The following VPS13D variants were observed in gnomAD, a reference collection of about 807,000 sequenced individuals.
VPS13D encodes the protein intermembrane lipid transfer protein VPS13D.
VPS13D carries 187 observed loss-of-function variants against 461.9 expected under a neutral mutation model. The observed-to-expected ratio is 0.40, with a 90% CI of 0.36 to 0.46. VPS13D has a LOEUF of 0.46. Ranked by LOEUF, VPS13D falls within the 20% of genes least tolerant of loss-of-function variation. VPS13D has a pLI of 0.60. For missense variants in VPS13D, 4,711 were observed against 5,364.9 expected, an observed-to-expected ratio of 0.88 and a Z score of 3.81; for synonymous variants, 1,951 against 1,986.3, an observed-to-expected ratio of 0.98 and a Z score of 0.47.
intron 60 of VPS13D, among the ~76,000 whole-genome samples, chr1:12,392,767 G>A (rs1570079715): frequency 1.3e-5 from 2 of 152,050 alleles, no homozygotes; most frequent in Admixed American, 6.5e-5. Context: ...GCCTGCCAAA[G>A]GCTCCAAACA....
At chr1:12,485,052 A>G (rs947657359) in intron 67 of VPS13D, among the ~76,000 whole-genome samples, 2 of 152,222 alleles carry the variant, frequency 1.3e-5, no homozygotes, top group African/African-American at 2.4e-5. Flanking sequence ...CTGGCATGGC[A>G]TAGCAACTCT....
chr1:12,490,151 G>T (rs1040012651), intron 67 of VPS13D, among the ~76,000 whole-genome samples: 1 of 152,226 alleles, frequency 6.6e-6, no homozygotes, highest in African/African-American at 2.4e-5. Flanking sequence ...TTGAATAGGG[G>T]ACTGGAGGAG....
intron 67 of VPS13D, among the ~76,000 whole-genome samples, chr1:12,493,498 A>G (rs1191742854): frequency 6.6e-6 from 1 of 151,904 alleles, no homozygotes; most frequent in Non-Finnish European, 1.5e-5. Flanking sequence ...AAAAAAAAAA[A>G]AAAGACTAGA....
At chr1:12,441,315 A>G (rs543295244) in intron 65 of VPS13D, among the ~76,000 whole-genome samples, 18 of 152,160 alleles carry the variant, frequency 1.2e-4, no homozygotes, top group Non-Finnish European at 1.9e-4. Flanking sequence ...GCAAATCTCT[A>G]TTGCACTCGA....
intron 33 of VPS13D, 40 bp from the exon 34 acceptor site, chr1:12,322,496 G>A (rs1186596651): frequency 1.3e-6 from 2 of 1,596,404 alleles, no homozygotes; most frequent in Admixed American, 3.3e-5. Context: ...TAAAACCAAT[G>A]CAGCTTTAAA....
At chr1:12,375,797 A>G (rs1644189828) in intron 55 of VPS13D, among the ~76,000 whole-genome samples, 1 of 152,158 alleles carries the variant, frequency 6.6e-6, no homozygotes, top group African/African-American at 2.4e-5. Context: ...GCTTAGGTGG[A>G]TGCCTTTCTT....
chr1:12,328,396 T>C (rs775084792), intron 36 of VPS13D, among the ~76,000 whole-genome samples: 26 of 151,540 alleles, frequency 1.7e-4, no homozygotes, highest in Non-Finnish European at 2.9e-4. Flanking sequence ...GGTGAGGTCT[T>C]GTTTTGTTGC....
intron 20 of VPS13D, among the ~76,000 whole-genome samples, chr1:12,280,123 G>A (rs1490205685): frequency 5.9e-5 from 9 of 152,190 alleles, no homozygotes; most frequent in Admixed American, 3.9e-4. Flanking sequence ...ATGCATGTAT[G>A]TATACACCTT....
chr1:12,405,964 C>G lies in VPS13D; in HGVS notation c.12030+1991C>G, dbSNP rs554374936. Among the ~76,000 whole-genome samples the G allele has an allele frequency of 1.6e-3, 238 of 152,320 alleles. 1 individual carries two copies. The highest frequency in any genetic ancestry group is 2.5e-3 in the Non-Finnish European group (170 of 68,024). ...TGCAGTTGAAGTAGCTCCAGCCCCCCCCAGTTACATGATGGTTGTGTGTGC... is the reference window on the plus strand; with the variant it reads ...TGCAGTTGAAGTAGCTCCAGCCCCCGCCAGTTACATGATGGTTGTGTGTGC... On this transcript the variant is annotated intron_variant, in intron 63 of 69. Coordinates refer to ENST00000620676, the MANE Select transcript of VPS13D (RefSeq NM_015378.4).
Position 12,354,255 on chromosome 1 carries a change from TC to T in VPS13D, c.9679+36del, listed in dbSNP as rs1283062063. The T allele has an allele frequency of 4.4e-6, 7 of 1,606,534 alleles. No homozygotes were observed. The African/African-American group carries it at 8.0e-5, about 18-fold the overall frequency. The stretch of plus-strand genomic sequence containing the variant: ...GTAGTCAGATGATCATTTGTCATAA[TC>T]CTATGAAAATATCAATGAGTATTTT... On this transcript the variant is annotated intron_variant, in intron 47 of 69. Transcript: ENST00000620676.
At chr1:12,389,415 C>T (rs1403162493) in intron 60 of VPS13D, among the ~76,000 whole-genome samples, 1 of 152,186 alleles carries the variant, frequency 6.6e-6, no homozygotes, top group Non-Finnish European at 1.5e-5. Context: ...TAACATAATA[C>T]AGCCATCCTT....
intron 60 of VPS13D, among the ~76,000 whole-genome samples, chr1:12,392,624 C>T (rs1422022258): frequency 6.6e-6 from 1 of 151,250 alleles, no homozygotes; most frequent in African/African-American, 2.4e-5. Flanking sequence ...GACCCATAGT[C>T]AGATGTTCAT....
At chr1:12,348,717 ATAG>A in intron 44 of VPS13D, 103 bp from the exon 45 acceptor site, 2 of 1,354,148 alleles carry the variant, frequency 1.5e-6, no homozygotes, top group Non-Finnish European at 2.0e-6. Context: ...CTGAAGAACT[ATAG>A]TAGTAATAAG....
At chr1:12,243,419 C>T (rs1207975605) in intron 3 of VPS13D, among the ~76,000 whole-genome samples, 1 of 152,178 alleles carries the variant, frequency 6.6e-6, no homozygotes. Context: ...TTGAATACAG[C>T]TGCGTGCCAC....
Position 12,237,556 on chromosome 1 carries a change from C to T in VPS13D, c.97+3193C>T, listed in dbSNP as rs754883486. 6.7e-5 allele frequency among the ~76,000 whole-genome samples: 10 copies of T among 149,024 alleles called. No homozygotes were observed. The East Asian group carries it at 8.2e-4, about 12-fold the overall frequency. On this transcript the variant is annotated intron_variant, in intron 2 of 69. Coordinates refer to ENST00000620676, the MANE Select transcript of VPS13D (RefSeq NM_015378.4). ...TATTGAGGTCGGGTGTGGTGCCTCA[C>T]GCCTGTAATCCTAGCACTTCGGGAG...
At chr1:12,289,464 G>A (rs1232048860) in intron 22 of VPS13D, among the ~76,000 whole-genome samples, 2 of 151,856 alleles carry the variant, frequency 1.3e-5, no homozygotes, top group Admixed American at 6.6e-5. Context: ...TGTTGATGCT[G>A]TAGTAAAAAC....
intron 35 of VPS13D, among the ~76,000 whole-genome samples, chr1:12,326,140 A>G (rs1643176714): frequency 6.6e-6 from 1 of 151,644 alleles, no homozygotes; most frequent in Non-Finnish European, 1.5e-5. Context: ...TTGGATTCTG[A>G]AAAAAATGAA....
At chr1:12,361,754 A>G (rs576406855) in intron 50 of VPS13D, among the ~76,000 whole-genome samples, 3 of 152,232 alleles carry the variant, frequency 2.0e-5, no homozygotes, top group East Asian at 1.9e-4. Context: ...GTGCTTTTCT[A>G]TATTTGGAAC....
intron 65 of VPS13D, among the ~76,000 whole-genome samples, chr1:12,422,430 G>T (rs1443436289): frequency 3.9e-5 from 6 of 152,184 alleles, no homozygotes; most frequent in African/African-American, 1.4e-4. Context: ...AAATTCTGCA[G>T]ATCAAATTTT....
Sources: allele counts gnomAD v4.1 joint callset (sites outside exome capture counted in the v4.1 genomes callset), GRCh38; gene constraint gnomAD v4.1.1; transcripts MANE v1.5; gene names NCBI Gene and HGNC (gene_info 2026-07-23, HGNC 2026-07-21).